AKAP11: variants seen among roughly 807,000 people sequenced by gnomAD.
The protein encoded by AKAP11 is A-kinase anchoring protein 11, also known as A-kinase anchor protein 11.
In AKAP11, 36 loss-of-function variants were observed where a neutral mutation model predicts 146.1. The observed-to-expected ratio is 0.25, with a 90% confidence interval of 0.19 to 0.33. The LOEUF (loss-of-function observed/expected upper bound fraction) is 0.33. AKAP11 is among the 10% of genes least tolerant of loss of function. AKAP11 has a pLI of 1.00. For synonymous variants in AKAP11, 780 were observed against 786.5 expected, an observed-to-expected ratio of 0.99 and a Z score of 0.14; for missense variants, 2,201 against 2,197.0, an observed-to-expected ratio of 1.00 and a Z score of -0.04.
intron 9 of AKAP11, among the ~76,000 whole-genome samples, chr13:42,312,056 TTTATG>T (rs1373992299): frequency 6.6e-6 from 1 of 152,182 alleles, no homozygotes; most frequent in South Asian, 2.1e-4. Context: ...ATAAAATGAT[TTTATG>T]TTTACTTTTT....
chr13:42,293,383 T>G (rs1179870460), intron 4 of AKAP11, among the ~76,000 whole-genome samples: 1 of 152,154 alleles, frequency 6.6e-6, no homozygotes, highest in Non-Finnish European at 1.5e-5. Context: ...GGTGGATGAT[T>G]TTCTTAATAT....
rs77856798 is a variant in AKAP11, at chr13:42,305,358, T to A, written c.5117+1495T>A. Among the ~76,000 whole-genome samples, 644 of 152,244 alleles carry A rather than the reference T, an allele frequency of 4.2e-3. 13 individuals carry two copies. In the East Asian group the frequency reaches 0.046, roughly 11 times the overall value. On this transcript the variant is annotated intron_variant, in intron 8 of 12. Coordinates refer to ENST00000025301, the MANE Select transcript of AKAP11 (RefSeq NM_016248.4). ...ATTGCTCCATAGCGTCTACTTGAGA[T>A]GAGAGATGATGTAGGTTTCTGGTGA... is the stretch of plus-strand genomic sequence containing the variant.
chr13:42,278,637 CTAAT>C (rs1391634211), intron 1 of AKAP11, among the ~76,000 whole-genome samples: 2 of 152,108 alleles, frequency 1.3e-5, no homozygotes, highest in South Asian at 2.1e-4. Context: ...CTTAAACCCT[CTAAT>C]TAATTGTTAC....
chr13:42,276,257 A>G (rs1173358481), intron 1 of AKAP11, among the ~76,000 whole-genome samples: 1 of 151,960 alleles, frequency 6.6e-6, no homozygotes, highest in Non-Finnish European at 1.5e-5. Flanking sequence ...TATAATTTAT[A>G]TGTTTTGAGA....
intron 11 of AKAP11, among the ~76,000 whole-genome samples, 152 bp from the exon 12 acceptor site, chr13:42,317,371 TAGTTG>T (rs1339633197): frequency 1.3e-5 from 2 of 152,244 alleles, no homozygotes; most frequent in East Asian, 3.8e-4. Context: ...TTAGAAGTTT[TAGTTG>T]AGGTTATGGT....
chr13:42,311,061 C>G (rs1260291917), intron 9 of AKAP11, among the ~76,000 whole-genome samples: 1 of 152,066 alleles, frequency 6.6e-6, no homozygotes, highest in East Asian at 1.9e-4. Context: ...TTGTTATTCT[C>G]TTAGGAATTA....
intron 1 of AKAP11, among the ~76,000 whole-genome samples, chr13:42,283,915 T>C (rs938789522): frequency 5.3e-5 from 8 of 152,180 alleles, no homozygotes; most frequent in African/African-American, 1.7e-4. Flanking sequence ...TTAATTACTC[T>C]CTTGTTTCTG....
intron 1 of AKAP11, among the ~76,000 whole-genome samples, chr13:42,281,202 A>G (rs1366120362): frequency 1.3e-5 from 2 of 152,248 alleles, no homozygotes; most frequent in Non-Finnish European, 1.5e-5. Flanking sequence ...AAGAAATATT[A>G]GTATTTGAGT....
At chr13:42,310,160 A>C (rs1239977484) in intron 9 of AKAP11, among the ~76,000 whole-genome samples, 2 of 152,222 alleles carry the variant, frequency 1.3e-5, no homozygotes, top group Non-Finnish European at 2.9e-5. Context: ...ATTAATGATT[A>C]ATATTTGAAC....
chr13:42,278,932 T>C (rs922529963), intron 1 of AKAP11, among the ~76,000 whole-genome samples: 3 of 144,300 alleles, frequency 2.1e-5, no homozygotes, highest in East Asian at 2.0e-4. Flanking sequence ...GGGTTGATGC[T>C]TTTTTTTTTT....
intron 1 of AKAP11, among the ~76,000 whole-genome samples, chr13:42,283,916 C>T (rs1959113216): frequency 6.6e-6 from 1 of 152,192 alleles, no homozygotes; most frequent in Admixed American, 6.5e-5. Context: ...TAATTACTCT[C>T]TTGTTTCTGG....
In AKAP11 at chr13:42,314,075, A is replaced by G; in HGVS notation, c.5404+135A>G. 2.4e-6 allele frequency: 2 copies of G among 817,364 alleles called. 1 individual carries two copies. The highest frequency in any genetic ancestry group is 3.7e-6 in the Non-Finnish European group (2 of 537,320). 50.6% of individuals were successfully genotyped at this position (817,364 alleles called of 1,614,324 possible). A position where few individuals can be genotyped will look rare whatever the true frequency, so the allele number is the denominator to read the frequency against. On this transcript the variant is annotated intron_variant, in intron 11 of 12. Coordinates refer to ENST00000025301, the MANE Select transcript of AKAP11 (RefSeq NM_016248.4). The stretch of plus-strand genomic sequence containing the variant: ...TATAAATCAGGGTATTCTTGAACTA[A>G]TTTTGTTTGTCCACTTTTAGATCCT...
chr13:42,279,303 A>C (rs1351058536), intron 1 of AKAP11, among the ~76,000 whole-genome samples: 2 of 150,302 alleles, frequency 1.3e-5, no homozygotes, highest in African/African-American at 2.5e-5. Flanking sequence ...TCACTCACTC[A>C]CTCGCTTACT....
chr13:42,271,517 G>C (rs188631350), upstream of AKAP11, among the ~76,000 whole-genome samples: 1 of 152,204 alleles, frequency 6.6e-6, no homozygotes, highest in South Asian at 2.1e-4. Flanking sequence ...GCCTTCCTTG[G>C]GCCTTCGGAT....
At chr13:42,309,975 C>T (rs1960473147) in intron 9 of AKAP11, among the ~76,000 whole-genome samples, 1 of 152,110 alleles carries the variant, frequency 6.6e-6, no homozygotes, top group Admixed American at 6.5e-5. Context: ...GGTTTCTGTC[C>T]TTGGTTCTGT....
chr13:42,298,681 A>T lies in AKAP11; in HGVS notation c.500A>T (p.Glu167Val). The T allele has an allele frequency of 6.2e-7, 1 of 1,611,930 alleles. No homozygotes were observed. The highest frequency in any genetic ancestry group is 1.1e-5 in the South Asian group (1 of 90,742). The part of the protein sequence containing the change: ...DTFLHQKHQL[E>V]TTDEDDDDTN... ...TTCTTGCATCAGAAGCACCAACTTGAGACCACTGATGAAGATGATGATGAT... is the reference window on the plus strand; with the variant it reads ...TTCTTGCATCAGAAGCACCAACTTGTGACCACTGATGAAGATGATGATGAT... Residue 167 changes from glutamate (E) to valine (V), a missense_variant, in exon 7 of 13, where the codon GAG (glutamate) becomes GTG (valine). Glu to Val is a moderately radical substitution (Grantham distance 121). This residue lies in a region of AKAP11 where 331 missense variants were observed against 347.4 expected (regional missense o/e 0.95). Transcript: ENST00000025301.
intron 1 of AKAP11, among the ~76,000 whole-genome samples, chr13:42,278,813 A>G (rs560172243): frequency 2.0e-5 from 3 of 152,262 alleles, no homozygotes; most frequent in Admixed American, 6.5e-5. Context: ...ATTTCTTTCC[A>G]TAGTTACTCT....
At position 42,301,279 on chromosome 13, in the gene AKAP11, G is replaced by C; in HGVS notation, c.2533G>C (p.Gly845Arg). 6.2e-7 allele frequency: 1 copy of C among 1,613,726 alleles called. No homozygotes were observed. Among genetic ancestry groups the C allele is most frequent in the Non-Finnish European group, 8.5e-7 (1 of 1,179,926 alleles). The change falls in exon 8 of 13, where the codon GGT becomes CGT. Residue 845 changes from glycine to arginine, a missense_variant. Gly to Arg is a moderately radical substitution (Grantham distance 125). This residue lies in a region of AKAP11 where 1,867 missense variants were observed against 1,833.5 expected (regional missense o/e 1.02). Transcript: ENST00000025301. Reference sequence around the variant, plus strand: ...TTGTTTACCTTCAGAACACAATCCAGGTAATCAGAATGATTTTAAACCAAC... The same window carrying C: ...TTGTTTACCTTCAGAACACAATCCACGTAATCAGAATGATTTTAAACCAAC... ...NICLPSEHNP[G>R]NQNDFKPTND...
At chr13:42,290,824 C>T (rs1000447231) in intron 3 of AKAP11, among the ~76,000 whole-genome samples, 1 of 152,144 alleles carries the variant, frequency 6.6e-6, no homozygotes, top group Non-Finnish European at 1.5e-5. Context: ...ATGTTCCAGG[C>T]TCGCTTCATA....
Sources: gnomAD v4.1 joint callset for allele counts (sites outside exome capture counted in the v4.1 genomes callset) on GRCh38, gnomAD v4.1.1 for gene constraint, gnomAD v4.1.1 regional missense constraint, MANE v1.5 for transcripts, NCBI Gene and HGNC (gene_info 2026-07-23, HGNC 2026-07-21) for gene names.